The following IRAG2 variants were observed in gnomAD, a reference collection of about 807,000 sequenced individuals.
IRAG2 encodes inositol 1,4,5-triphosphate receptor associated 2, also known as lymphoid restricted membrane protein.
Under a neutral mutation model 69.9 loss-of-function variants are expected in IRAG2, and 45 were observed. The ratio of observed to expected loss-of-function variants is 0.64; its 90% CI spans 0.51 to 0.83. The LOEUF (loss-of-function observed/expected upper bound fraction) is 0.83, where lower values mean the gene tolerates loss of function less well. Among genes scored for constraint, IRAG2 ranks in the 40% least tolerant of loss-of-function variants. The pLI, the probability that IRAG2 is intolerant of heterozygous loss-of-function variation, is 0.00. For synonymous variants in IRAG2, 193 were observed against 202.4 expected, an observed-to-expected ratio of 0.95 and a Z score of 0.40; for missense variants, 520 against 587.0, an observed-to-expected ratio of 0.89 and a Z score of 1.18.
At chr12:25,014,960 A>T (rs1373775460) in intron 3 of IRAG2, among the ~76,000 whole-genome samples, 2 of 152,132 alleles carry the variant, frequency 1.3e-5, no homozygotes, top group East Asian at 3.9e-4. Context: ...TTTCACTAGG[A>T]ACACAGACTA....
upstream of IRAG2, among the ~76,000 whole-genome samples, chr12:25,048,207 C>T (rs745446546): frequency 1.3e-5 from 2 of 152,136 alleles, no homozygotes; most frequent in Non-Finnish European, 2.9e-5. Flanking sequence ...CTCTAATGAT[C>T]AGTGATGTTG....
rs1365256685 is a variant in IRAG2 at position 25,089,624 on chromosome 12, T to C, written c.384T>C (p.Val128=). Residue 128 remains valine, a synonymous_variant, in exon 12 of 22, where the codon GTT becomes GTC. Coordinates refer to ENST00000556887, the MANE Select transcript of IRAG2 (RefSeq NM_001366544.2). ...KKEHASGDSV[V]SPLPVTTVKS... is the part of the protein sequence containing the mutation. Reference sequence around the variant, plus strand: ...ATTATATTTTAATAGACTCTGTGGTTTCCCCTCTTCCTGTAACCACTGTGA... The same window carrying C: ...ATTATATTTTAATAGACTCTGTGGTCTCCCCTCTTCCTGTAACCACTGTGA... The C allele has an allele frequency of 6.3e-7, 1 of 1,593,468 alleles. No individual in the cohort carries two copies. The highest frequency in any genetic ancestry group is 1.1e-5 in the South Asian group (1 of 90,046).
intron 11 of IRAG2, among the ~76,000 whole-genome samples, chr12:25,088,511 C>G (rs1259122717): frequency 6.6e-6 from 1 of 152,178 alleles, no homozygotes; most frequent in African/African-American, 2.4e-5. Flanking sequence ...TTCCCCTTAG[C>G]CTACCTCCAT....
At chr12:25,055,611 C>T (rs12427285) in intron 1 of IRAG2, among the ~76,000 whole-genome samples, 1 of 152,050 alleles carries the variant, frequency 6.6e-6, no homozygotes, top group Non-Finnish European at 1.5e-5. Flanking sequence ...TCTCCTATCC[C>T]CACCCCATGA....
chr12:25,005,012 G>A (rs1322269766), intron 1 of IRAG2: 4 of 794,096 alleles, frequency 5.0e-6, no homozygotes, highest in Non-Finnish European at 5.1e-6. Context: ...CATTATTAAA[G>A]TTTGGATGGA....
chr12:25,103,580 A>C, intron 17 of IRAG2: 1 of 409,182 alleles, frequency 2.4e-6, no homozygotes, highest in East Asian at 4.1e-5. Flanking sequence ...AAGACAAATA[A>C]TTACAAACCT....
chr12:25,050,253 G>A (rs944534436), upstream of IRAG2, among the ~76,000 whole-genome samples: 4 of 151,876 alleles, frequency 2.6e-5, no homozygotes, highest in African/African-American at 9.7e-5. Context: ...ATGGAGGGCC[G>A]GGTGCGGTGG....
In IRAG2 at chr12:25,013,906, G is replaced by T. The variant is rs190603749; in HGVS notation, c.897-1276G>T. Among the ~76,000 whole-genome samples, 19 of 100,788 alleles carry T rather than the reference G, an allele frequency of 1.9e-4. No homozygotes were observed. In the Admixed American group the frequency reaches 2.9e-3, roughly 15 times the overall value. 66.1% of individuals were successfully genotyped at this position (100,788 alleles called of 152,430 possible). A position where few individuals can be genotyped will look rare whatever the true frequency, so the allele number is the denominator to read the frequency against. ...TTTTTTTTTTTTGAGACAGAGTCTC[G>T]CTCTGTTGCCCAGGCTGGAGTGCAG... On this transcript the variant is annotated intron_variant, in intron 3 of 38. Transcript: ENST00000636465.
intron 6 of IRAG2, chr12:25,017,326 T>C (rs1796095047): frequency 8.1e-7 from 1 of 1,231,074 alleles, no homozygotes; most frequent in Non-Finnish European, 1.0e-6. Context: ...TGCGGGGAAC[T>C]TTCATTTCTT....
At chr12:25,007,706 G>C (rs1301743505) in intron 2 of IRAG2, among the ~76,000 whole-genome samples, 1 of 152,166 alleles carries the variant, frequency 6.6e-6, no homozygotes, top group Admixed American at 6.5e-5. Context: ...ATTTTTAGTA[G>C]AAATGGGGTT....
intron 16 of IRAG2, among the ~76,000 whole-genome samples, chr12:25,039,674 C>T (rs1224900927): frequency 6.6e-6 from 1 of 152,218 alleles, no homozygotes; most frequent in Admixed American, 6.5e-5. Flanking sequence ...TCGTGATCCG[C>T]CCCCCTCGGC....
At chr12:25,001,405 C>A (rs1008844638), upstream of IRAG2, among the ~76,000 whole-genome samples, 1 of 152,012 alleles carries the variant, frequency 6.6e-6, no homozygotes, top group East Asian at 1.9e-4. Context: ...ATGAGTGCAC[C>A]ACTGCACTCC....
intron 13 of IRAG2, 99 bp downstream of exon 13, chr12:25,089,889 GTC>G: frequency 7.4e-7 from 1 of 1,359,632 alleles, no homozygotes; most frequent in Non-Finnish European, 1.0e-6. Context: ...TATGCTCGGT[GTC>G]TGTTTGGCTT....
In IRAG2 at chr12:25,005,488, T is replaced by G. The variant is rs193063855; in HGVS notation, c.688+134T>G. ...GTCTACATATGTGATGGATGCCACC[T>G]AATTTGGGAATAAGGTTTGCTCTGT... is the stretch of plus-strand genomic sequence containing the variant. On this transcript the variant is annotated intron_variant, in intron 2 of 38. Coordinates refer to the IRAG2 transcript ENST00000636465. 6.9e-4 allele frequency: 281 copies of G among 406,204 alleles called. 2 individuals carry two copies. The East Asian group carries it at 8.3e-3, about 12-fold the overall frequency. 25.2% of individuals were successfully genotyped at this position (406,204 alleles called of 1,614,324 possible). A position where few individuals can be genotyped will look rare whatever the true frequency, so the allele number is the denominator to read the frequency against.
chr12:25,077,231 T>TATATATGATATATATGAAATATATATGAA (rs1565562422), intron 6 of IRAG2, among the ~76,000 whole-genome samples: 1 of 45,514 alleles, frequency 2.2e-5, no homozygotes, highest in Non-Finnish European at 4.8e-5. Flanking sequence ...ATATATATGA[T>TATATATGATATATATGAAATATATATGAA]ATATATATGA....
At chr12:25,041,619 A>G (rs117599518) in intron 16 of IRAG2, among the ~76,000 whole-genome samples, 2,965 of 151,346 alleles carry the variant, frequency 0.02, 33 homozygotes, top group Non-Finnish European at 0.029. Context: ...CTCTTGCCTC[A>G]GACTCCCAAG....
chr12:25,027,299 CATATA>C (rs1944630060), intron 9 of IRAG2, among the ~76,000 whole-genome samples: 1 of 151,986 alleles, frequency 6.6e-6, no homozygotes, highest in Admixed American at 6.6e-5. Flanking sequence ...TAAATTAAAT[CATATA>C]ATATGTTGCC....
upstream of IRAG2, chr12:25,052,514 A>AG (rs1244460408): frequency 7.6e-6 from 3 of 396,802 alleles, no homozygotes; most frequent in African/African-American, 4.1e-5. Flanking sequence ...GAGGAAGTAA[A>AG]GGGGGAGTTG....
At chr12:25,019,607 G>T (rs1029871750) in intron 6 of IRAG2, among the ~76,000 whole-genome samples, 1 of 152,124 alleles carries the variant, frequency 6.6e-6, no homozygotes, top group Non-Finnish European at 1.5e-5. Flanking sequence ...CTGCTCCTCT[G>T]CCAGTGGAGC....
Sources: gnomAD v4.1 joint callset for allele counts (sites outside exome capture counted in the v4.1 genomes callset) on GRCh38, gnomAD v4.1.1 for gene constraint, MANE v1.5 for transcripts, NCBI Gene and HGNC (gene_info 2026-07-23, HGNC 2026-07-21) for gene names.